The following PARVB variants were observed in gnomAD, a reference collection of about 807,000 sequenced individuals.
The protein encoded by PARVB is parvin beta.
A neutral mutation model predicts 47.0 loss-of-function variants in PARVB; 46 were observed. That is an observed-to-expected ratio of 0.98 (90% CI 0.77 to 1.25). PARVB has a LOEUF of 1.25. PARVB is among the 50% of genes most tolerant of loss of function. The pLI is 0.00. For missense variants in PARVB, 473 were observed against 471.6 expected (o/e 1.00, Z -0.03); for synonymous variants, 196 against 196.3 (o/e 1.00, Z 0.01).
chr22:44,136,628 C>A, intron 7 of PARVB, 110 bp downstream of exon 7: 1 of 824,078 alleles, frequency 1.2e-6, no homozygotes, highest in Non-Finnish European at 2.1e-6. Context: ...GCTCCCGCTC[C>A]ACACCCCTTC....
intron 12 of PARVB, among the ~76,000 whole-genome samples, chr22:44,164,759 T>C (rs945005145): frequency 3.9e-5 from 6 of 152,136 alleles, no homozygotes; most frequent in African/African-American, 1.4e-4. Flanking sequence ...GCTATATGAG[T>C]TGGGAGCCCA....
chr22:44,060,472 G>A (rs1601542369), intron 1 of PARVB, among the ~76,000 whole-genome samples: 2 of 152,266 alleles, frequency 1.3e-5, no homozygotes, highest in Admixed American at 1.3e-4. Flanking sequence ...TGGAAAGATG[G>A]TGGAAGCTGG....
intron 12 of PARVB, among the ~76,000 whole-genome samples, chr22:44,164,414 C>A (rs1200881647): frequency 1.4e-5 from 2 of 146,336 alleles, no homozygotes; most frequent in Non-Finnish European, 3.0e-5. Context: ...CCCTGTCCCC[C>A]CCCCGGCTCC....
chr22:44,003,835 C>T (rs985240167), intron 2 of PARVB, among the ~76,000 whole-genome samples: 13 of 152,236 alleles, frequency 8.5e-5, no homozygotes, highest in Admixed American at 8.5e-4. Flanking sequence ...TTACCCTCCT[C>T]TTTAGCCCCA....
At chr22:44,160,299 G>A (rs2054025092) in intron 11 of PARVB, among the ~76,000 whole-genome samples, 1 of 152,236 alleles carries the variant, frequency 6.6e-6, no homozygotes, top group Admixed American at 6.5e-5. Context: ...ATTACTGGAT[G>A]AGGACAGGGA....
At chr22:44,083,772 G>T (rs947362779) in intron 1 of PARVB, among the ~76,000 whole-genome samples, 4 of 152,136 alleles carry the variant, frequency 2.6e-5, no homozygotes, top group Non-Finnish European at 4.4e-5. Context: ...CCACTATGAA[G>T]GTTTTGCGTT....
rs1420843176 is a variant in PARVB at position 44,169,787 on chromosome 22, C to T, written c.*1109C>T. 2 of 150,178 alleles carry T rather than the reference C, an allele frequency of 1.3e-5. No individual in the cohort carries two copies. Among genetic ancestry groups the T allele is most frequent in the Non-Finnish European group, 2.9e-5 (2 of 68,070 alleles). 9.3% of individuals were successfully genotyped at this position (150,178 alleles called of 1,614,324 possible). On this transcript the variant is annotated 3_prime_UTR_variant, in exon 13 of 13. Transcript: ENST00000338758. ...GTGGTGTGATCTCAGCTCACTGCAA[C>T]CTCTGCCTCCCAGGTTCAAGCGATT...
intron 11 of PARVB, among the ~76,000 whole-genome samples, chr22:44,159,503 A>G (rs1386501798): frequency 6.6e-6 from 1 of 152,042 alleles, no homozygotes; most frequent in Non-Finnish European, 1.5e-5. Flanking sequence ...AGGGAAGGCT[A>G]TTTTCAGGTA....
chr22:44,030,088 G>A (rs893187832), intron 1 of PARVB, among the ~76,000 whole-genome samples: 1 of 152,258 alleles, frequency 6.6e-6, no homozygotes, highest in Non-Finnish European at 1.5e-5. Flanking sequence ...GCCATCAGTT[G>A]TGTAGATGAT....
Position 44,069,020 on chromosome 22 carries a change from CA to C in PARVB, c.113-24905del, listed in dbSNP as rs1290297408. ...TCTGTGACCTTCCTCAAAGGCTCCC[CA>C]AAGAGGCTTTCCCTTGAAGTGCAAG... On this transcript the variant is annotated intron_variant, in intron 1 of 12. Coordinates refer to ENST00000338758, the MANE Select transcript of PARVB (RefSeq NM_013327.5). The C allele has an allele frequency of 2.5e-5, 29 of 1,152,450 alleles. 1 individual carries two copies. In the East Asian group the frequency reaches 6.9e-4, roughly 27 times the overall value. 71.4% of individuals were successfully genotyped at this position (1,152,450 alleles called of 1,614,324 possible). A position where few individuals can be genotyped will look rare whatever the true frequency, so the allele number is the denominator to read the frequency against.
At chr22:44,069,389 G>A (rs1407063149) in intron 1 of PARVB, among the ~76,000 whole-genome samples, 1 of 152,214 alleles carries the variant, frequency 6.6e-6, no homozygotes, top group Non-Finnish European at 1.5e-5. Context: ...CTTGTGGAGT[G>A]AAATTTCCAG....
At chr22:44,079,354 A>G (rs2051847726) in intron 1 of PARVB, among the ~76,000 whole-genome samples, 2 of 152,200 alleles carry the variant, frequency 1.3e-5, no homozygotes, top group South Asian at 4.1e-4. Context: ...AATTGGAGGG[A>G]CAGTAGCAGG....
intron 12 of PARVB, 75 bp downstream of exon 12, chr22:44,164,005 G>A: frequency 8.6e-7 from 1 of 1,166,934 alleles, no homozygotes; most frequent in Non-Finnish European, 1.2e-6. Context: ...AGAAGTGGCT[G>A]GAAGGCTGGC....
At chr22:44,146,155 T>TCG (rs2053661945) in intron 8 of PARVB, 1 of 137,978 alleles carries the variant, frequency 7.2e-6, no homozygotes. Flanking sequence ...ACACACGTGC[T>TCG]CACACGTGTA....
At position 44,155,510 on chromosome 22, in the gene PARVB, G is replaced by T. The variant is rs539767754; in HGVS notation, c.844-2472G>T. On this transcript the variant is annotated intron_variant, in intron 10 of 12. Coordinates refer to ENST00000338758, the MANE Select transcript of PARVB (RefSeq NM_013327.5). The surrounding 1 kb of genome is among the most constrained non-coding windows in gnomAD (Gnocchi z 4.8). ...GGGACAGTGAGGAGACACCACGGAA[G>T]GAAGAAAAGACTCAGCAGGCTCAGG... Among the ~76,000 whole-genome samples, 2 of 152,190 alleles carry T rather than the reference G, an allele frequency of 1.3e-5. No homozygotes were observed. The highest frequency in any genetic ancestry group is 2.9e-5 in the Non-Finnish European group (2 of 68,024).
At chr22:44,168,573 C>T in intron 12 of PARVB, 29 bp from the exon 13 acceptor site, 1 of 1,534,662 alleles carries the variant, frequency 6.5e-7, no homozygotes, top group Non-Finnish European at 9.0e-7. Context: ...GATGGCACGC[C>T]TCTGAAGTTT....
At chr22:44,080,711 G>T (rs543409898) in intron 1 of PARVB, among the ~76,000 whole-genome samples, 12 of 152,228 alleles carry the variant, frequency 7.9e-5, no homozygotes, top group Non-Finnish European at 1.6e-4. Context: ...GGAGTAGAAA[G>T]TACATCCTTT....
intron 1 of PARVB, among the ~76,000 whole-genome samples, chr22:44,051,557 G>A (rs1415595460): frequency 3.9e-5 from 6 of 152,200 alleles, no homozygotes; most frequent in Non-Finnish European, 8.8e-5. Flanking sequence ...AACCTTTCTT[G>A]CTGGAAGGAG....
chr22:44,092,640 G>A (rs112664706), intron 1 of PARVB, among the ~76,000 whole-genome samples: 12 of 152,152 alleles, frequency 7.9e-5, no homozygotes, highest in Middle Eastern at 6.8e-3. Context: ...TGGACTGGAC[G>A]CTCAACATTC....
Sources: allele counts gnomAD v4.1 joint callset (sites outside exome capture counted in the v4.1 genomes callset), GRCh38; gene constraint gnomAD v4.1.1; non-coding constraint Gnocchi (gnomAD v3.1); transcripts MANE v1.5; gene names NCBI Gene and HGNC (gene_info 2026-07-23, HGNC 2026-07-21).